Variants in EPB41L4B observed in about 807,000 individuals in gnomAD.
EPB41L4B encodes the protein band 4.1-like protein 4B.
In EPB41L4B, 30 loss-of-function variants were observed where a neutral mutation model predicts 112.5. That is an observed-to-expected ratio of 0.27 (90% CI 0.20 to 0.36). EPB41L4B has a LOEUF of 0.36. Among genes scored for constraint, EPB41L4B ranks in the 10% least tolerant of loss-of-function variants. The pLI is 1.00. For missense variants in EPB41L4B, 1,024 were observed against 1,133.3 expected, an observed-to-expected ratio of 0.90 and a Z score of 1.38; for synonymous variants, 408 against 439.7, an observed-to-expected ratio of 0.93 and a Z score of 0.90.
At chr9:109,227,701 C>T (rs1047100505) in intron 15 of EPB41L4B, among the ~76,000 whole-genome samples, 4 of 152,032 alleles carry the variant, frequency 2.6e-5, no homozygotes, top group Non-Finnish European at 2.9e-5. Flanking sequence ...CCTGCCTCAG[C>T]CTCTTGAGTA....
intron 15 of EPB41L4B, among the ~76,000 whole-genome samples, chr9:109,231,830 G>A (rs553428252): frequency 6.6e-6 from 1 of 152,098 alleles, no homozygotes; most frequent in East Asian, 1.9e-4. Flanking sequence ...TCACAGGTGT[G>A]CATGTGTGTG....
At chr9:109,203,114 A>G (rs1210216117) in intron 19 of EPB41L4B, among the ~76,000 whole-genome samples, 4 of 152,234 alleles carry the variant, frequency 2.6e-5, no homozygotes, top group Non-Finnish European at 5.9e-5. Context: ...AGATCGCACC[A>G]CTGCACTCCA....
intron 14 of EPB41L4B, 77 bp from the exon 15 acceptor site, chr9:109,243,759 G>A: frequency 4.2e-6 from 6 of 1,444,360 alleles, no homozygotes; most frequent in Non-Finnish European, 5.8e-6. Flanking sequence ...GTCTGTTCCT[G>A]GCATCCACCC....
intron 15 of EPB41L4B, among the ~76,000 whole-genome samples, chr9:109,226,640 T>TATATATATGAAGAATATATATATGAAGA (rs1833772268): frequency 1.5e-5 from 2 of 133,598 alleles, no homozygotes; most frequent in Non-Finnish European, 3.3e-5. Context: ...GAAGAATATA[T>TATATATATGAAGAATATATATATGAAGA]ATATATATGA....
chr9:109,220,170 G>A (rs116375455), intron 15 of EPB41L4B, among the ~76,000 whole-genome samples: 2,653 of 152,276 alleles, frequency 0.017, 80 homozygotes, highest in African/African-American at 0.061. Context: ...CAGAGGAGGT[G>A]TGTTATTTTG....
intron 2 of EPB41L4B, among the ~76,000 whole-genome samples, chr9:109,276,019 C>T (rs1424912662): frequency 8.2e-5 from 12 of 147,170 alleles, no homozygotes; most frequent in Admixed American, 6.9e-4. Flanking sequence ...GTCTTAGGAT[C>T]TAAATTTAAA....
chr9:109,291,524 G>A (rs185747073), intron 1 of EPB41L4B, among the ~76,000 whole-genome samples: 1 of 152,170 alleles, frequency 6.6e-6, no homozygotes, highest in Admixed American at 6.5e-5. Flanking sequence ...GAGAAGGGAC[G>A]TCAACAGTCT....
intron 6 of EPB41L4B, among the ~76,000 whole-genome samples, chr9:109,259,276 C>T (rs1367119015): frequency 6.6e-6 from 1 of 152,204 alleles, no homozygotes; most frequent in Non-Finnish European, 1.5e-5. Flanking sequence ...ATAATAGTGG[C>T]TTTCGAATTT....
intron 15 of EPB41L4B, among the ~76,000 whole-genome samples, chr9:109,218,960 A>G (rs1343463885): frequency 6.6e-6 from 1 of 152,172 alleles, no homozygotes; most frequent in Non-Finnish European, 1.5e-5. Context: ...GTCACTTACA[A>G]TCATACTAGA....
At position 109,251,507 on chromosome 9, in the gene EPB41L4B, G is replaced by T; in HGVS notation, c.1284C>A (p.Ser428Arg). The T allele has an allele frequency of 6.2e-7, 1 of 1,613,934 alleles. No homozygotes were observed. Among genetic ancestry groups the T allele is most frequent in the Non-Finnish European group, 8.5e-7 (1 of 1,179,796 alleles). The change falls in exon 13 of 26, where the codon AGC becomes AGA. Residue 428 changes from serine to arginine, a missense_variant. By Grantham distance (110) the Ser-to-Arg change is moderately radical. Transcript: ENST00000374566. ...PSRRHSTFKA[S>R]NPVIAAQLCS... ...AGAGCTGGGCTGCTATCACTGGGTT[G>T]CTTGCTATAAAGGAAAAACAGAAAG...
At chr9:109,239,764 T>C in intron 15 of EPB41L4B, 1 of 937,140 alleles carries the variant, frequency 1.1e-6, no homozygotes, top group Non-Finnish European at 1.3e-6. Flanking sequence ...GAGGGTATTA[T>C]ATGGCATACA....
At chr9:109,269,935 G>T (rs181266255) in intron 2 of EPB41L4B, among the ~76,000 whole-genome samples, 12 of 152,310 alleles carry the variant, frequency 7.9e-5, no homozygotes, top group African/African-American at 2.6e-4. Context: ...GCGAACAACA[G>T]ATGATTGATA....
intron 15 of EPB41L4B, chr9:109,241,751 G>A (rs1834359772): frequency 6.2e-7 from 1 of 1,614,168 alleles, no homozygotes. Context: ...TAATCAAAAT[G>A]GCTGTCATCT....
intron 23 of EPB41L4B, among the ~76,000 whole-genome samples, chr9:109,184,995 T>A (rs1344857414): frequency 6.6e-6 from 1 of 152,224 alleles, no homozygotes; most frequent in African/African-American, 2.4e-5. Flanking sequence ...TGTAAAATTA[T>A]GAATGATATG....
rs118157124 is a variant in EPB41L4B, at chr9:109,205,011, A to G, written c.1879-1281T>C. On this transcript the variant is annotated intron_variant, in intron 18 of 25. Transcript: ENST00000374566. ...TCCCAAAGCATGCTTCTGTGTTCCT[A>G]TGAATTTCAGTTCTACAGATAACAG... Among the ~76,000 whole-genome samples, 70 of 152,280 alleles carry G rather than the reference A, an allele frequency of 4.6e-4. No homozygotes were observed. In the East Asian group the frequency reaches 8.9e-3, roughly 19 times the overall value.
chr9:109,209,330 A>G (rs1421497339), intron 17 of EPB41L4B, among the ~76,000 whole-genome samples: 1 of 151,872 alleles, frequency 6.6e-6, no homozygotes, highest in Non-Finnish European at 1.5e-5. Flanking sequence ...ACAGATTTGA[A>G]TCTCAGCTCT....
At chr9:109,290,528 T>C (rs961887491) in intron 1 of EPB41L4B, among the ~76,000 whole-genome samples, 18 of 152,206 alleles carry the variant, frequency 1.2e-4, no homozygotes, top group African/African-American at 4.3e-4. Context: ...CTAGTTTAAA[T>C]TGCTATCCCA....
rs1481846120 is a variant in EPB41L4B at position 109,279,940 on chromosome 9, G to A, written c.307-19C>T. ...CATGTTTCTGGAAGACAATTGGGAA[G>A]ATGAAAAAACTTAGGGTGAGACAGC... On this transcript the variant is annotated intron_variant, in intron 1 of 25. Coordinates refer to ENST00000374566, the MANE Select transcript of EPB41L4B (RefSeq NM_019114.5). The A allele has an allele frequency of 1.9e-6, 3 of 1,599,502 alleles. No homozygotes were observed. In the African/African-American group the frequency reaches 4.0e-5, roughly 22 times the overall value.
chr9:109,187,905 T>C (rs1016151097), intron 22 of EPB41L4B, among the ~76,000 whole-genome samples: 1 of 152,160 alleles, frequency 6.6e-6, no homozygotes, highest in African/African-American at 2.4e-5. Context: ...TCTGATTGGA[T>C]TGAAACAAAA....
Sources: gnomAD v4.1 joint callset for allele counts (sites outside exome capture counted in the v4.1 genomes callset) on GRCh38, gnomAD v4.1.1 for gene constraint, MANE v1.5 for transcripts, NCBI Gene and HGNC (gene_info 2026-07-23, HGNC 2026-07-21) for gene names.